The following SLC8A1 variants were observed in gnomAD, a reference collection of about 807,000 sequenced individuals.
The protein encoded by SLC8A1 is sodium/calcium exchanger 1.
Under a neutral mutation model 68.3 loss-of-function variants are expected in SLC8A1, and 18 were observed. That is an observed-to-expected ratio of 0.26 (90% CI 0.18 to 0.39). The LOEUF (loss-of-function observed/expected upper bound fraction) is 0.39. Among genes scored for constraint, SLC8A1 ranks in the 10% least tolerant of loss-of-function variants. SLC8A1 has a pLI of 1.00. For missense variants in SLC8A1, 985 were observed against 1,156.7 expected (o/e 0.85, Z 2.15); for synonymous variants, 475 against 415.5 (o/e 1.14, Z -1.74).
chr2:40,131,030 A>G (rs1319979608), intron 7 of SLC8A1, among the ~76,000 whole-genome samples: 1 of 152,226 alleles, frequency 6.6e-6, no homozygotes, highest in Non-Finnish European at 1.5e-5. Context: ...TGAAATAGAA[A>G]GTAAGGGAGA....
intron 2 of SLC8A1, among the ~76,000 whole-genome samples, chr2:40,401,895 A>G (rs1191544152): frequency 1.3e-5 from 2 of 152,190 alleles, no homozygotes; most frequent in Admixed American, 1.3e-4. Context: ...GTACACATAA[A>G]AAACTGTAAT....
chr2:40,351,204 TGA>T (rs2149445380), intron 2 of SLC8A1, among the ~76,000 whole-genome samples: 1 of 152,280 alleles, frequency 6.6e-6, no homozygotes, highest in African/African-American at 2.4e-5. Flanking sequence ...AGGCAGCGAC[TGA>T]GTGTGAATTT....
chr2:40,370,415 T>A (rs1677650792), intron 2 of SLC8A1, among the ~76,000 whole-genome samples: 1 of 152,080 alleles, frequency 6.6e-6, no homozygotes, highest in Non-Finnish European at 1.5e-5. Context: ...TCTTTTCTCT[T>A]TTCCCCTTCA....
At chr2:40,184,042 T>C (rs2050153985) in intron 2 of SLC8A1, among the ~76,000 whole-genome samples, 1 of 151,866 alleles carries the variant, frequency 6.6e-6, no homozygotes, top group African/African-American at 2.4e-5. Context: ...ATGGGTGTGG[T>C]AGTGCTTGCC....
intron 2 of SLC8A1, among the ~76,000 whole-genome samples, chr2:40,298,973 G>C (rs1449347997): frequency 2.0e-5 from 3 of 152,154 alleles, no homozygotes; most frequent in African/African-American, 7.2e-5. Flanking sequence ...CACATACTGG[G>C]AGTAAAGAGA....
intron 1 of SLC8A1, among the ~76,000 whole-genome samples, chr2:40,509,977 A>G (rs1576691257): frequency 6.6e-6 from 1 of 151,722 alleles, no homozygotes; most frequent in South Asian, 2.1e-4. Context: ...ACAGGCATGC[A>G]CCGCCACACC....
intron 2 of SLC8A1, among the ~76,000 whole-genome samples, chr2:40,288,005 G>A (rs1247971288): frequency 1.3e-5 from 2 of 152,072 alleles, no homozygotes; most frequent in Non-Finnish European, 2.9e-5. Flanking sequence ...AGCAGCTCCT[G>A]GTCCTTTGGC....
chr2:40,373,761 G>A (rs987462277), intron 2 of SLC8A1, among the ~76,000 whole-genome samples: 1 of 151,996 alleles, frequency 6.6e-6, no homozygotes, highest in African/African-American at 2.4e-5. Flanking sequence ...TTCATGTAAG[G>A]CTTAATGGCA....
chr2:40,339,286 C>T (rs1666971856), intron 2 of SLC8A1, among the ~76,000 whole-genome samples: 1 of 152,092 alleles, frequency 6.6e-6, no homozygotes, highest in Admixed American at 6.6e-5. Flanking sequence ...TTAAAGATGA[C>T]CAGTGATTAG....
chr2:40,200,987 T>C (rs965350852), intron 2 of SLC8A1, among the ~76,000 whole-genome samples: 4 of 151,846 alleles, frequency 2.6e-5, no homozygotes, highest in African/African-American at 9.7e-5. Flanking sequence ...CTCTCTTCTC[T>C]TCTTTTATTC....
chr2:40,287,011 T>A (rs1465199004), intron 2 of SLC8A1, among the ~76,000 whole-genome samples: 1 of 152,128 alleles, frequency 6.6e-6, no homozygotes, highest in Non-Finnish European at 1.5e-5. Flanking sequence ...GGTTCTCAAG[T>A]AATATCCACC....
chr2:40,478,615 TTCTC>T (rs1167602830), intron 1 of SLC8A1, among the ~76,000 whole-genome samples: 1 of 152,178 alleles, frequency 6.6e-6, no homozygotes, highest in Non-Finnish European at 1.5e-5. Flanking sequence ...ATGAGTGTAT[TTCTC>T]TCTCCCTTCT....
intron 1 of SLC8A1, among the ~76,000 whole-genome samples, chr2:40,464,944 C>T (rs1703571318): frequency 6.6e-6 from 1 of 152,138 alleles, no homozygotes; most frequent in Non-Finnish European, 1.5e-5. Flanking sequence ...GAAGGAGCTG[C>T]AACCTTGCCA....
At chr2:40,270,100 T>C (rs1329165610) in intron 2 of SLC8A1, among the ~76,000 whole-genome samples, 6 of 152,194 alleles carry the variant, frequency 3.9e-5, no homozygotes, top group African/African-American at 1.2e-4. Flanking sequence ...AGCTATGCTA[T>C]CCCTGAGGCA....
exon 2 of SLC8A1, chr2:40,429,707 C>G: frequency 6.2e-7 from 1 of 1,613,898 alleles, no homozygotes; most frequent in Non-Finnish European, 8.5e-7. Context: ...GTCTCTCCGT[C>G]AGGCACCACA....
At chr2:40,364,533 C>T (rs111910251) in intron 2 of SLC8A1, among the ~76,000 whole-genome samples, 3,291 of 150,740 alleles carry the variant, frequency 0.022, 125 homozygotes, top group African/African-American at 0.075. Context: ...TTGTTCTCTC[C>T]CCAGGCAATT....
intron 2 of SLC8A1, among the ~76,000 whole-genome samples, chr2:40,253,152 T>C (rs550812849): frequency 2.4e-4 from 29 of 123,068 alleles, no homozygotes; most frequent in East Asian, 9.1e-4. Flanking sequence ...TGTATATACA[T>C]ACATATATAT....
At chr2:40,211,768 T>C (rs1427704356) in intron 2 of SLC8A1, among the ~76,000 whole-genome samples, 1 of 152,196 alleles carries the variant, frequency 6.6e-6, no homozygotes, top group Non-Finnish European at 1.5e-5. Context: ...AAGAGGTAGA[T>C]GAAAAACCCA....
At chr2:40,238,085 G>A (rs1479256683) in intron 2 of SLC8A1, among the ~76,000 whole-genome samples, 1 of 152,224 alleles carries the variant, frequency 6.6e-6, no homozygotes, top group East Asian at 1.9e-4. Flanking sequence ...CCCCAGAGGT[G>A]GAGCCTACAG....
Sources: gnomAD v4.1 joint callset for allele counts (sites outside exome capture counted in the v4.1 genomes callset) on GRCh38, gnomAD v4.1.1 for gene constraint, MANE v1.5 for transcripts, NCBI Gene and HGNC (gene_info 2026-07-23, HGNC 2026-07-21) for gene names.